The following IL7 variants were observed in gnomAD, a reference collection of about 807,000 sequenced individuals.
IL7 encodes interleukin 7.
A neutral mutation model predicts 21.6 loss-of-function variants in IL7; 3 were observed. That is an observed-to-expected ratio of 0.14 (90% confidence interval 0.06 to 0.36). The LOEUF (loss-of-function observed/expected upper bound fraction) is 0.36, where lower values mean the gene tolerates loss of function less well. Ranked by LOEUF, IL7 falls within the 10% of genes least tolerant of loss-of-function variation. The probability of loss-of-function intolerance (pLI) is 1.00; values close to 1 mark genes in which losing one functional copy is unlikely to be tolerated. For synonymous variants in IL7, 62 were observed against 68.1 expected (o/e 0.91, Z 0.44); for missense variants, 175 against 200.2 (o/e 0.87, Z 0.76).
intron 2 of IL7, among the ~76,000 whole-genome samples, chr8:78,768,014 T>C (rs1812814531): frequency 6.6e-6 from 1 of 152,054 alleles, no homozygotes; most frequent in African/African-American, 2.4e-5. Flanking sequence ...AGTGAGAATA[T>C]GCGGTGTTTG....
chr8:78,746,462 T>G (rs1216353950), intron 2 of IL7, among the ~76,000 whole-genome samples: 1 of 152,216 alleles, frequency 6.6e-6, no homozygotes, highest in Non-Finnish European at 1.5e-5. Flanking sequence ...CCCCCAAGTA[T>G]CAATGTAAGA....
chr8:78,696,778 T>G (rs971038672), intron 3 of IL7, among the ~76,000 whole-genome samples: 32 of 152,216 alleles, frequency 2.1e-4, no homozygotes, highest in African/African-American at 7.5e-4. Flanking sequence ...GTTCAGGTCC[T>G]AGGTCATCTT....
At chr8:78,798,437 A>G (rs1312296855) in intron 1 of IL7, among the ~76,000 whole-genome samples, 2 of 152,066 alleles carry the variant, frequency 1.3e-5, no homozygotes, top group Non-Finnish European at 2.9e-5. Context: ...ACTCTTTAGG[A>G]AAGTGCAAAA....
intron 2 of IL7, among the ~76,000 whole-genome samples, chr8:78,779,343 T>C (rs1563432616): frequency 6.6e-6 from 1 of 152,246 alleles, no homozygotes. Context: ...TTCCAGCTTT[T>C]GTCCATTCAG....
intron 2 of IL7, among the ~76,000 whole-genome samples, chr8:78,788,764 T>G (rs879879709): frequency 5.9e-5 from 9 of 152,182 alleles, no homozygotes; most frequent in Non-Finnish European, 1.2e-4. Flanking sequence ...GCTTTCAAGT[T>G]CATCTGTAAC....
At chr8:78,693,302 A>G (rs1255340509) in intron 3 of IL7, among the ~76,000 whole-genome samples, 5 of 151,208 alleles carry the variant, frequency 3.3e-5, no homozygotes, top group East Asian at 1.9e-4. Context: ...CTGAGGAATC[A>G]CCACACTGAC....
intron 4 of IL7, among the ~76,000 whole-genome samples, chr8:78,684,359 G>A (rs1435943647): frequency 4.6e-5 from 7 of 152,214 alleles, no homozygotes; most frequent in Non-Finnish European, 7.3e-5. Flanking sequence ...AGGCAAGAGC[G>A]TGTGTGCAGG....
At chr8:78,740,600 C>G (rs951730617) in intron 2 of IL7, among the ~76,000 whole-genome samples, 1 of 152,200 alleles carries the variant, frequency 6.6e-6, no homozygotes, top group Non-Finnish European at 1.5e-5. Flanking sequence ...CTGTTTTACA[C>G]TCTTTTCAGT....
At chr8:78,704,514 C>T (rs1250190566) in intron 3 of IL7, among the ~76,000 whole-genome samples, 3 of 151,926 alleles carry the variant, frequency 2.0e-5, no homozygotes, top group Non-Finnish European at 4.4e-5. Flanking sequence ...GCCTTTCTCT[C>T]TAGCTGCCTT....
intron 2 of IL7, among the ~76,000 whole-genome samples, chr8:78,749,767 G>A (rs1360844558): frequency 6.6e-6 from 1 of 152,134 alleles, no homozygotes; most frequent in Non-Finnish European, 1.5e-5. Context: ...CTTCTGGTAG[G>A]AGGAGGGGAA....
intron 2 of IL7, among the ~76,000 whole-genome samples, chr8:78,765,128 C>T (rs910516620): frequency 1.3e-5 from 2 of 152,084 alleles, no homozygotes; most frequent in East Asian, 1.9e-4. Flanking sequence ...TTCACATCCA[C>T]ACCCCTAACA....
At chr8:78,735,403 C>G (rs770786962) in intron 5 of IL7, among the ~76,000 whole-genome samples, 1 of 150,968 alleles carries the variant, frequency 6.6e-6, no homozygotes, top group Non-Finnish European at 1.5e-5. Context: ...ACCTCCACCT[C>G]CTGGGTTCAA....
rs768342886 is a variant in IL7 at position 78,798,125 on chromosome 8, T to C, written c.94A>G (p.Lys32Glu). Residue 32 changes from lysine to glutamate, a missense_variant, in exon 2 of 6, where the codon AAA becomes GAA. Transcript: ENST00000263851. ...ACACTCTCATATTGTTTGCCATCTT[T>C]ACCTTCAATATCACAATCAGATGAT... ...VASSDCDIEG[K>E]DGKQYESVLM... 1 of 1,611,632 alleles carries C rather than the reference T, an allele frequency of 6.2e-7. No homozygotes were observed. Among genetic ancestry groups the C allele is most frequent in the South Asian group, 1.1e-5 (1 of 90,976 alleles).
intron 1 of IL7, among the ~76,000 whole-genome samples, chr8:78,801,122 G>C (rs1814042255): frequency 6.6e-6 from 1 of 152,172 alleles, no homozygotes; most frequent in Non-Finnish European, 1.5e-5. Context: ...CCTGTTAAGA[G>C]TGTTTTCTGT....
At chr8:78,785,245 A>G (rs1264635431) in intron 2 of IL7, among the ~76,000 whole-genome samples, 1 of 152,142 alleles carries the variant, frequency 6.6e-6, no homozygotes, top group Non-Finnish European at 1.5e-5. Flanking sequence ...ATTTGTGGAA[A>G]AAATTTCCTC....
At chr8:78,751,342 G>C (rs1812164434) in intron 2 of IL7, among the ~76,000 whole-genome samples, 1 of 152,042 alleles carries the variant, frequency 6.6e-6, no homozygotes, top group Non-Finnish European at 1.5e-5. Context: ...AGAGAGGAAT[G>C]AAATATTCAA....
Position 78,687,541 on chromosome 8 carries a change from TAATA to T in IL7, n.215-1598_215-1595del, listed in dbSNP as rs1810034750. The stretch of plus-strand genomic sequence containing the variant: ...TTATATAATAAATTATATATTTATA[TAATA>T]AATTTTATATTTACATAATAAATTA... On this transcript the variant is annotated intron_variant and non_coding_transcript_variant, in intron 3 of 4. Transcript: ENST00000523959. 2.1e-5 allele frequency among the ~76,000 whole-genome samples: 3 copies of T among 143,712 alleles called. No individual in the cohort carries two copies. In the South Asian group the frequency reaches 6.3e-4, roughly 30 times the overall value. The allele number at this position is 143,712 out of a possible 152,430, so 94.3% of individuals were successfully genotyped here.
At chr8:78,780,987 C>T (rs894927518) in intron 2 of IL7, among the ~76,000 whole-genome samples, 34 of 152,062 alleles carry the variant, frequency 2.2e-4, no homozygotes, top group African/African-American at 7.7e-4. Context: ...TTATGTAATG[C>T]CTTTATCTTT....
At chr8:78,803,288 C>T (rs540526261) in intron 1 of IL7, among the ~76,000 whole-genome samples, 1 of 152,086 alleles carries the variant, frequency 6.6e-6, no homozygotes, top group African/African-American at 2.4e-5. Context: ...CTCAGCCTCC[C>T]GAGTAGAGTC....
Sources: allele counts gnomAD v4.1 joint callset (sites outside exome capture counted in the v4.1 genomes callset), GRCh38; gene constraint gnomAD v4.1.1; transcripts MANE v1.5; gene names NCBI Gene and HGNC (gene_info 2026-07-23, HGNC 2026-07-21).